PTPN12: variants seen among roughly 807,000 people sequenced by gnomAD.
PTPN12 encodes the protein tyrosine-protein phosphatase non-receptor type 12.
Under a neutral mutation model 97.6 loss-of-function variants are expected in PTPN12, and 29 were observed. The observed-to-expected ratio is 0.30, with a 90% CI of 0.22 to 0.41. The LOEUF (loss-of-function observed/expected upper bound fraction) is 0.41, where lower values mean the gene tolerates loss of function less well. Ranked by LOEUF, PTPN12 falls within the 10% of genes least tolerant of loss-of-function variation. PTPN12 has a pLI of 1.00. For synonymous variants in PTPN12, 327 were observed against 300.4 expected (o/e 1.09, Z -0.91); for missense variants, 819 against 926.0 (o/e 0.88, Z 1.50).
chr7:77,537,981 G>GC lies in PTPN12; in HGVS notation c.99+336_99+337insC, dbSNP rs764138750. ...CGTAGGCAAGTGAGGTGCAGGCCGGGGGGGGGGGCTCGCGTTTCCACACCT... is the reference window on the plus strand; with the variant it reads ...CGTAGGCAAGTGAGGTGCAGGCCGGGCGGGGGGGGCTCGCGTTTCCACACCT... On this transcript the variant is annotated intron_variant, in intron 1 of 17. Coordinates refer to ENST00000248594, the MANE Select transcript of PTPN12 (RefSeq NM_002835.4). 811 of 973,698 alleles carry GC rather than the reference G, an allele frequency of 8.3e-4. 5 individuals are homozygous for GC. Among genetic ancestry groups the GC allele is most frequent in the Admixed American group, 1.1e-3 (19 of 16,954 alleles). 60.3% of individuals were successfully genotyped at this position (973,698 alleles called of 1,614,324 possible).
At chr7:77,588,050 A>T (rs891932651) in intron 5 of PTPN12, among the ~76,000 whole-genome samples, 2 of 152,180 alleles carry the variant, frequency 1.3e-5, no homozygotes, top group Non-Finnish European at 2.9e-5. Flanking sequence ...AACTTTCTCC[A>T]TGTAAGCAAT....
chr7:77,563,040 C>T (rs571254669), intron 1 of PTPN12, among the ~76,000 whole-genome samples: 1 of 149,554 alleles, frequency 6.7e-6, no homozygotes, highest in East Asian at 2.0e-4. Context: ...TATTTTAAAA[C>T]ATGAAGTCTG....
intron 4 of PTPN12, among the ~76,000 whole-genome samples, chr7:77,584,876 CAAAAA>C (rs932401569): frequency 1.1e-5 from 1 of 88,596 alleles, no homozygotes. Flanking sequence ...GACTCCGTCT[CAAAAA>C]AAAAAAAAAA....
intron 2 of PTPN12, among the ~76,000 whole-genome samples, chr7:77,573,626 T>C (rs1787237000): frequency 2.0e-5 from 3 of 152,218 alleles, no homozygotes; most frequent in Admixed American, 1.3e-4. Flanking sequence ...TTCTGGATAC[T>C]TCGTATTAAG....
chr7:77,604,912 G>T, intron 8 of PTPN12: 1 of 426,692 alleles, frequency 2.3e-6, no homozygotes. Context: ...TGAACGGTCT[G>T]ATCTCTGGAG....
At chr7:77,590,855 C>T (rs1354276258) in intron 5 of PTPN12, among the ~76,000 whole-genome samples, 2 of 151,664 alleles carry the variant, frequency 1.3e-5, no homozygotes, top group Non-Finnish European at 2.9e-5. Flanking sequence ...TGAGCCACCA[C>T]GCCCGGCCTC....
intron 1 of PTPN12, among the ~76,000 whole-genome samples, chr7:77,546,839 C>T (rs1490661653): frequency 6.6e-6 from 1 of 152,142 alleles, no homozygotes; most frequent in Admixed American, 6.5e-5. Flanking sequence ...GGAGAATGAA[C>T]ATGGGAGGAA....
intron 1 of PTPN12, among the ~76,000 whole-genome samples, chr7:77,558,329 G>T (rs1470881782): frequency 3.3e-5 from 5 of 152,118 alleles, no homozygotes; most frequent in Admixed American, 3.3e-4. Context: ...TGTTTTGGAA[G>T]GCAGTTTGGC....
At chr7:77,581,760 AC>A (rs1228129774) in intron 3 of PTPN12, among the ~76,000 whole-genome samples, 1 of 152,180 alleles carries the variant, frequency 6.6e-6, no homozygotes, top group East Asian at 1.9e-4. Context: ...TGGAAGTCTT[AC>A]CTATTACTAA....
chr7:77,638,785 G>C, intron 17 of PTPN12, 54 bp downstream of exon 17: 2 of 1,541,652 alleles, frequency 1.3e-6, no homozygotes, highest in Non-Finnish European at 1.7e-6. Flanking sequence ...GCAGGAATGA[G>C]AAAAGCTCAT....
chr7:77,567,195 T>TA (rs35233834), intron 1 of PTPN12, among the ~76,000 whole-genome samples: 39,115 of 141,014 alleles, frequency 0.28, 6,365 homozygotes, highest in Non-Finnish European at 0.39. Flanking sequence ...GTTGATGTGT[T>TA]AAAAAAAAAA....
At chr7:77,606,534 C>A (rs1259873730) in intron 8 of PTPN12, among the ~76,000 whole-genome samples, 1 of 149,996 alleles carries the variant, frequency 6.7e-6, no homozygotes, top group East Asian at 2.0e-4. Flanking sequence ...AGTGCTGGGA[C>A]AACAGGCATG....
intron 16 of PTPN12, among the ~76,000 whole-genome samples, chr7:77,637,825 C>G (rs1789648690): frequency 7.6e-6 from 1 of 131,370 alleles, no homozygotes; most frequent in African/African-American, 3.0e-5. Flanking sequence ...CCATTGCACT[C>G]CAACCCGGGC....
At chr7:77,572,751 T>G (rs1222231961) in intron 2 of PTPN12, among the ~76,000 whole-genome samples, 1 of 152,190 alleles carries the variant, frequency 6.6e-6, no homozygotes, top group Non-Finnish European at 1.5e-5. Context: ...TAATACTTTT[T>G]AGGATTATTT....
At chr7:77,581,228 C>CA (rs1051656055) in intron 2 of PTPN12, among the ~76,000 whole-genome samples, 199 bp from the exon 3 acceptor site, 1 of 152,114 alleles carries the variant, frequency 6.6e-6, no homozygotes, top group Non-Finnish European at 1.5e-5. Flanking sequence ...AGGTGCCTGC[C>CA]AGGTGGTGGT....
At chr7:77,606,465 T>C (rs879654184) in intron 8 of PTPN12, among the ~76,000 whole-genome samples, 2 of 152,114 alleles carry the variant, frequency 1.3e-5, no homozygotes, top group Non-Finnish European at 2.9e-5. Flanking sequence ...GGTGCCATCA[T>C]GGCTTACTGC....
At chr7:77,554,747 A>G (rs1251956168) in intron 1 of PTPN12, among the ~76,000 whole-genome samples, 3 of 152,318 alleles carry the variant, frequency 2.0e-5, no homozygotes, top group Admixed American at 6.5e-5. Flanking sequence ...TGGCATGATC[A>G]TGGCACACTG....
chr7:77,537,488 T>G lies in PTPN12; in HGVS notation c.-59T>G. 1.7e-6 allele frequency: 2 copies of G among 1,196,850 alleles called. No homozygotes were observed. The highest frequency in any genetic ancestry group is 2.1e-6 in the Non-Finnish European group (2 of 931,526). 74.1% of individuals were successfully genotyped at this position (1,196,850 alleles called of 1,614,324 possible). On this transcript the variant is annotated 5_prime_UTR_variant, in exon 1 of 18. Coordinates refer to ENST00000248594, the MANE Select transcript of PTPN12 (RefSeq NM_002835.4). ...GAGCTGGGGAAGACGGAGCGGGCTCTGTGCCGGGCGGGCGGGCGGCGGGGG... is the reference window on the plus strand; with the variant it reads ...GAGCTGGGGAAGACGGAGCGGGCTCGGTGCCGGGCGGGCGGGCGGCGGGGG...
At chr7:77,573,437 C>T (rs528881665) in intron 2 of PTPN12, among the ~76,000 whole-genome samples, 82 of 152,270 alleles carry the variant, frequency 5.4e-4, no homozygotes, top group Admixed American at 2.2e-3. Context: ...CAAGCTCTCT[C>T]GGGCCTCTTT....
Sources: allele counts gnomAD v4.1 joint callset (sites outside exome capture counted in the v4.1 genomes callset), GRCh38; gene constraint gnomAD v4.1.1; transcripts MANE v1.5; gene names NCBI Gene and HGNC (gene_info 2026-07-23, HGNC 2026-07-21).